RARB: variants seen among roughly 807,000 people sequenced by gnomAD.
The protein encoded by RARB is HBV-activated protein.
RARB carries 17 observed loss-of-function variants against 51.9 expected under a neutral mutation model. That is an observed-to-expected ratio of 0.33 (90% CI 0.22 to 0.49). The LOEUF (loss-of-function observed/expected upper bound fraction) is 0.49, where lower values mean the gene tolerates loss of function less well. RARB is among the 20% of genes least tolerant of loss of function. The pLI is 0.99. For missense variants in RARB, 369 were observed against 550.8 expected (o/e 0.67, Z 3.30); for synonymous variants, 215 against 195.4 (o/e 1.10, Z -0.84).
intron 5 of RARB, among the ~76,000 whole-genome samples, chr3:25,402,563 C>G (rs1054441906): frequency 8.5e-5 from 13 of 152,050 alleles, no homozygotes; most frequent in Non-Finnish European, 1.8e-4. Context: ...AAGTTTCCAT[C>G]AATAGATGAA....
chr3:24,928,833 AAAT>A (rs1695378684), intron 2 of RARB, among the ~76,000 whole-genome samples: 1 of 152,060 alleles, frequency 6.6e-6, no homozygotes, highest in African/African-American at 2.4e-5. Context: ...CAGTGATTGT[AAAT>A]AATATGGCTT....
chr3:25,164,357 T>G (rs1044028029), intron 4 of RARB, among the ~76,000 whole-genome samples: 1 of 152,180 alleles, frequency 6.6e-6, no homozygotes, highest in African/African-American at 2.4e-5. Flanking sequence ...CTGCTTCATA[T>G]AGGTGGGAAG....
rs140989325 is a variant in RARB, at chr3:25,172,272, G to A, written c.-279-1847G>A. Among the ~76,000 whole-genome samples, 25 of 152,268 alleles carry A rather than the reference G, an allele frequency of 1.6e-4. 1 individual carries two copies. The highest frequency in any genetic ancestry group is 6.8e-3 in the Middle Eastern group (2 of 294). On this transcript the variant is annotated intron_variant, in intron 4 of 11. Coordinates refer to the RARB transcript ENST00000383772. ...GTAGAGTACAACCAGCATAACAGGC[G>A]TTCAAAATATATAAGCTTAGCTTGG...
intron 5 of RARB, among the ~76,000 whole-genome samples, chr3:25,269,701 A>AAT (rs921899531): frequency 3.9e-5 from 6 of 152,214 alleles, no homozygotes; most frequent in Admixed American, 2.6e-4. Flanking sequence ...CTTAACAGCT[A>AAT]ATTTTAAGGG....
At chr3:25,174,743 T>C (rs949633749) in intron 5 of RARB, among the ~76,000 whole-genome samples, 3 of 152,214 alleles carry the variant, frequency 2.0e-5, no homozygotes, top group African/African-American at 7.2e-5. Context: ...GATTTGAAAC[T>C]AGACAAGTGG....
chr3:24,987,641 G>T (rs1197003115), intron 2 of RARB, among the ~76,000 whole-genome samples: 2 of 152,180 alleles, frequency 1.3e-5, no homozygotes, highest in African/African-American at 4.8e-5. Context: ...GGTTTTAAGA[G>T]AAAAATATAT....
chr3:25,388,558 A>G (rs558910910), intron 5 of RARB, among the ~76,000 whole-genome samples: 3 of 152,354 alleles, frequency 2.0e-5, no homozygotes, highest in Admixed American at 2.0e-4. Flanking sequence ...TTCAACATGA[A>G]ACAAAGAAAT....
intron 5 of RARB, among the ~76,000 whole-genome samples, chr3:25,412,040 A>T (rs1331996612): frequency 2.6e-5 from 4 of 152,190 alleles, no homozygotes; most frequent in African/African-American, 9.7e-5. Flanking sequence ...TGTAGATAGC[A>T]TGAGGGGCAG....
At chr3:25,308,450 T>TTC (rs1290108756) in intron 5 of RARB, among the ~76,000 whole-genome samples, 4 of 97,542 alleles carry the variant, frequency 4.1e-5, no homozygotes, top group African/African-American at 1.2e-4. Flanking sequence ...CTTTCTTTCT[T>TTC]TTTTTTTTTT....
intron 2 of RARB, among the ~76,000 whole-genome samples, chr3:25,007,908 C>G (rs931316449): frequency 6.6e-6 from 1 of 151,846 alleles, no homozygotes; most frequent in African/African-American, 2.4e-5. Context: ...CACAGGGTGA[C>G]CTTGGGCAAA....
intron 2 of RARB, among the ~76,000 whole-genome samples, chr3:24,866,810 G>A (rs1300360150): frequency 6.6e-6 from 1 of 152,140 alleles, no homozygotes; most frequent in Non-Finnish European, 1.5e-5. Flanking sequence ...CTGGTTAAAG[G>A]GGAGAGCAGG....
intron 5 of RARB, among the ~76,000 whole-genome samples, chr3:25,273,085 A>T (rs191398299): frequency 6.6e-6 from 1 of 152,162 alleles, no homozygotes; most frequent in Non-Finnish European, 1.5e-5. Flanking sequence ...CCCTGAGCCT[A>T]CACAAATAGC....
At chr3:24,862,779 T>C (rs993241371) in intron 2 of RARB, among the ~76,000 whole-genome samples, 1 of 152,240 alleles carries the variant, frequency 6.6e-6, no homozygotes, top group Non-Finnish European at 1.5e-5. Flanking sequence ...ATCATCTTTA[T>C]ATTATACTGT....
At chr3:25,113,022 T>C (rs35396731) in intron 3 of RARB, among the ~76,000 whole-genome samples, 18,771 of 152,198 alleles carry the variant, frequency 0.12, 1,544 homozygotes, top group South Asian at 0.28. Context: ...GAGAGCCAGT[T>C]TGTTTTCCTG....
chr3:25,201,633 A>G (rs1701391888), intron 5 of RARB, among the ~76,000 whole-genome samples: 1 of 152,190 alleles, frequency 6.6e-6, no homozygotes, highest in Non-Finnish European at 1.5e-5. Flanking sequence ...GAGAGTTTTT[A>G]GCATGAAGCG....
At chr3:24,988,886 C>T (rs949198343) in intron 2 of RARB, among the ~76,000 whole-genome samples, 8 of 152,054 alleles carry the variant, frequency 5.3e-5, no homozygotes, top group Non-Finnish European at 8.8e-5. Flanking sequence ...AGTGCAGTGG[C>T]GCAATCTGGG....
chr3:24,924,221 AC>A (rs1304205171), intron 2 of RARB, among the ~76,000 whole-genome samples: 2 of 152,182 alleles, frequency 1.3e-5, no homozygotes, highest in African/African-American at 2.4e-5. Context: ...TATCTTTTGC[AC>A]CTAAAATGGT....
chr3:25,544,219 C>T (rs1699510816), intron 3 of RARB, among the ~76,000 whole-genome samples: 1 of 151,860 alleles, frequency 6.6e-6, no homozygotes, highest in African/African-American at 2.4e-5. Context: ...TACATAAATG[C>T]ATAGAAAAAC....
At chr3:25,091,853 G>A (rs1205296937) in intron 3 of RARB, among the ~76,000 whole-genome samples, 2 of 152,154 alleles carry the variant, frequency 1.3e-5, no homozygotes, top group African/African-American at 4.8e-5. Context: ...GGTTTGGTCT[G>A]CATATTCTGC....
Sources: gnomAD v4.1 joint callset for allele counts (sites outside exome capture counted in the v4.1 genomes callset) on GRCh38, gnomAD v4.1.1 for gene constraint, MANE v1.5 for transcripts, NCBI Gene and HGNC (gene_info 2026-07-23, HGNC 2026-07-21) for gene names.